The following AKT3 variants were observed in gnomAD, a reference collection of about 807,000 sequenced individuals.
AKT3 encodes RAC-gamma serine/threonine-protein kinase.
AKT3 carries 15 observed loss-of-function variants against 65.3 expected under a neutral mutation model. That is an observed-to-expected ratio of 0.23 (90% confidence interval 0.15 to 0.35). The LOEUF (loss-of-function observed/expected upper bound fraction) is 0.35. Ranked by LOEUF, AKT3 falls within the 10% of genes least tolerant of loss-of-function variation. The probability of loss-of-function intolerance (pLI) is 1.00; values close to 1 mark genes in which losing one functional copy is unlikely to be tolerated. For synonymous variants in AKT3, 206 were observed against 183.8 expected (o/e 1.12, Z -0.98); for missense variants, 243 against 576.5 (o/e 0.42, Z 5.92).
intron 7 of AKT3, among the ~76,000 whole-genome samples, chr1:243,614,209 T>C (rs1296673817): frequency 3.3e-5 from 5 of 152,156 alleles, no homozygotes; most frequent in East Asian, 3.9e-4. Context: ...AGTTGGTTTA[T>C]ATAATTTTGT....
At chr1:243,733,305 T>G (rs756039003) in intron 2 of AKT3, among the ~76,000 whole-genome samples, 2 of 152,218 alleles carry the variant, frequency 1.3e-5, no homozygotes, top group Non-Finnish European at 2.9e-5. Flanking sequence ...GTTTAAAGTT[T>G]TGACTCATAA....
At chr1:243,652,359 T>C (rs904519115) in intron 4 of AKT3, among the ~76,000 whole-genome samples, 3 of 152,082 alleles carry the variant, frequency 2.0e-5, no homozygotes, top group Admixed American at 1.3e-4. Flanking sequence ...CAGAATTTCA[T>C]ATCCAGCCAA....
intron 2 of AKT3, among the ~76,000 whole-genome samples, chr1:243,827,552 T>C (rs988561278): frequency 1.7e-4 from 26 of 152,158 alleles, no homozygotes; most frequent in Non-Finnish European, 2.6e-4. Flanking sequence ...GATGGAAATG[T>C]CTTAGCTCCT....
intron 7 of AKT3, among the ~76,000 whole-genome samples, chr1:243,614,120 G>A (rs893002937): frequency 2.0e-5 from 3 of 152,100 alleles, no homozygotes; most frequent in Admixed American, 6.6e-5. Flanking sequence ...TGTAGCTACG[G>A]TTGTTACACT....
At chr1:243,489,778 A>G (rs1262422469) in intron 13 of AKT3, among the ~76,000 whole-genome samples, 1 of 152,194 alleles carries the variant, frequency 6.6e-6, no homozygotes, top group Non-Finnish European at 1.5e-5. Context: ...AAGTAGGGAC[A>G]CCGCAAACGG....
chr1:243,825,879 C>A (rs1694134342), intron 2 of AKT3, among the ~76,000 whole-genome samples: 2 of 152,118 alleles, frequency 1.3e-5, no homozygotes, highest in African/African-American at 4.8e-5. Flanking sequence ...CACCTGTAAA[C>A]CCAGCACTTT....
At chr1:243,730,429 G>T (rs1355340106) in intron 2 of AKT3, among the ~76,000 whole-genome samples, 1 of 152,190 alleles carries the variant, frequency 6.6e-6, no homozygotes, top group Non-Finnish European at 1.5e-5. Context: ...GCATGAAAAG[G>T]GCTGCAACAC....
At chr1:243,591,350 G>C (rs981494197) in intron 8 of AKT3, among the ~76,000 whole-genome samples, 1 of 152,222 alleles carries the variant, frequency 6.6e-6, no homozygotes, top group Non-Finnish European at 1.5e-5. Context: ...GTGCAGCCGT[G>C]TTAGTGCTAG....
chr1:243,493,776 A>G (rs1176890849), intron 13 of AKT3, among the ~76,000 whole-genome samples: 1 of 151,906 alleles, frequency 6.6e-6, no homozygotes, highest in African/African-American at 2.4e-5. Flanking sequence ...GATCATCGAC[A>G]TTATCTCATT....
chr1:243,543,024 C>T (rs1313136267), intron 12 of AKT3, among the ~76,000 whole-genome samples: 1 of 152,154 alleles, frequency 6.6e-6, no homozygotes, highest in Admixed American at 6.5e-5. Context: ...AACACCTTTG[C>T]TCAAATTAAG....
chr1:243,648,231 G>A (rs115546726), intron 4 of AKT3, among the ~76,000 whole-genome samples: 5 of 150,724 alleles, frequency 3.3e-5, no homozygotes, highest in Non-Finnish European at 7.4e-5. Context: ...GCACTCCAGT[G>A]AGGGTGACAG....
At chr1:243,828,720 G>T (rs775202534) in intron 2 of AKT3, among the ~76,000 whole-genome samples, 2 of 151,974 alleles carry the variant, frequency 1.3e-5, no homozygotes, top group African/African-American at 4.8e-5. Context: ...TGTTATCCGC[G>T]AGGCTTCCAG....
chr1:243,718,095 T>G (rs543001038), intron 2 of AKT3, among the ~76,000 whole-genome samples: 2 of 152,318 alleles, frequency 1.3e-5, no homozygotes, highest in East Asian at 3.9e-4. Context: ...AGAGGACCTT[T>G]CCTTTTCAAG....
intron 1 of AKT3, 142 bp downstream of exon 1, chr1:243,849,898 A>T (rs1017147198): frequency 3.4e-6 from 2 of 585,588 alleles, no homozygotes; most frequent in Non-Finnish European, 4.3e-6. Context: ...CGGCGCGGTG[A>T]CAACCCAGAA....
intron 9 of AKT3, among the ~76,000 whole-genome samples, chr1:243,567,266 C>T (rs1674225880): frequency 6.6e-6 from 1 of 152,074 alleles, no homozygotes; most frequent in African/African-American, 2.4e-5. Context: ...GCCTGGGTGA[C>T]AGAGTGAAAT....
intron 2 of AKT3, among the ~76,000 whole-genome samples, chr1:243,758,552 C>A (rs990902323): frequency 2.0e-5 from 3 of 152,158 alleles, no homozygotes; most frequent in Non-Finnish European, 4.4e-5. Flanking sequence ...CAGTCCCCAA[C>A]CTTTCTGGCA....
At chr1:243,690,243 T>G (rs370683488) in intron 3 of AKT3, among the ~76,000 whole-genome samples, 10 of 152,096 alleles carry the variant, frequency 6.6e-5, no homozygotes, top group Non-Finnish European at 1.3e-4. Flanking sequence ...ACGTCCTCCA[T>G]GTGGGAACTA....
chr1:243,768,203 T>C (rs1689952651), intron 2 of AKT3, among the ~76,000 whole-genome samples: 1 of 151,108 alleles, frequency 6.6e-6, no homozygotes, highest in Admixed American at 6.6e-5. Flanking sequence ...ATTGCTATGG[T>C]TCTCCATGGA....
Position 243,504,199 on chromosome 1 carries a change from C to T in AKT3, c.*1050G>A, listed in dbSNP as rs1170862716. ...TATAAGTTGGAGCTGCGTTTGCTAACATGACATACAATTCTCATCACTAAA... is the reference window on the plus strand; with the variant it reads ...TATAAGTTGGAGCTGCGTTTGCTAATATGACATACAATTCTCATCACTAAA... On this transcript the variant is annotated 3_prime_UTR_variant, in exon 14 of 14. Coordinates refer to ENST00000673466, the MANE Select transcript of AKT3 (RefSeq NM_005465.7). 4 of 215,026 alleles carry T rather than the reference C, an allele frequency of 1.9e-5. No homozygotes were observed. Among genetic ancestry groups the T allele is most frequent in the African/African-American group, 6.8e-5 (3 of 44,290 alleles). The allele number at this position is 215,026 out of a possible 1,614,324, so 13.3% of individuals were successfully genotyped here. A position where few individuals can be genotyped will look rare whatever the true frequency, so the allele number is the denominator to read the frequency against.
Sources: allele counts gnomAD v4.1 joint callset (sites outside exome capture counted in the v4.1 genomes callset), GRCh38; gene constraint gnomAD v4.1.1; transcripts MANE v1.5; gene names NCBI Gene and HGNC (gene_info 2026-07-23, HGNC 2026-07-21).